MINDY4: variants seen among roughly 807,000 people sequenced by gnomAD.
MINDY4 encodes the protein probable ubiquitin carboxyl-terminal hydrolase MINDY-4.
MINDY4 carries 68 observed loss-of-function variants against 87.0 expected under a neutral mutation model. The ratio of observed to expected loss-of-function variants is 0.78; its 90% CI spans 0.64 to 0.96. The LOEUF is 0.96. Among genes scored for constraint, MINDY4 ranks in the 40% least tolerant of loss-of-function variants. The pLI, the probability that MINDY4 is intolerant of heterozygous loss-of-function variation, is 0.00. For synonymous variants in MINDY4, 379 were observed against 363.2 expected (o/e 1.04, Z -0.50); for missense variants, 919 against 928.2 (o/e 0.99, Z 0.13).
At chr7:30,818,311 AT>A (rs1788226281) in intron 5 of MINDY4, among the ~76,000 whole-genome samples, 1 of 152,018 alleles carries the variant, frequency 6.6e-6, no homozygotes, top group Non-Finnish European at 1.5e-5. Context: ...ACAGTTGTCT[AT>A]TTTATTTTAT....
intron 5 of MINDY4, among the ~76,000 whole-genome samples, chr7:30,805,556 G>A (rs1202047101): frequency 6.6e-6 from 1 of 152,130 alleles, no homozygotes; most frequent in Non-Finnish European, 1.5e-5. Context: ...TCAGAGCAGA[G>A]CCCCACCCAA....
intron 5 of MINDY4, among the ~76,000 whole-genome samples, chr7:30,795,079 A>G (rs1031521225): frequency 6.6e-6 from 1 of 152,004 alleles, no homozygotes; most frequent in African/African-American, 2.4e-5. Context: ...GAGGCACCTC[A>G]CTTGTGTTGC....
chr7:30,836,809 T>A, intron 7 of MINDY4, 45 bp downstream of exon 7: 1 of 1,427,334 alleles, frequency 7.0e-7, no homozygotes, highest in Non-Finnish European at 9.8e-7. Flanking sequence ...TTGATTTGAA[T>A]GGATATAGAT....
intron 13 of MINDY4, among the ~76,000 whole-genome samples, chr7:30,870,686 C>A (rs540038059): frequency 2.0e-5 from 3 of 152,348 alleles, no homozygotes; most frequent in Admixed American, 2.0e-4. Context: ...GAGACTCAGG[C>A]ATGTATTTTA....
chr7:30,810,255 C>T (rs1321708390), intron 5 of MINDY4, among the ~76,000 whole-genome samples: 10 of 139,590 alleles, frequency 7.2e-5, no homozygotes, highest in Non-Finnish European at 1.2e-4. Flanking sequence ...CTGCGAAAGT[C>T]GTGAAAGAGA....
chr7:30,850,806 C>T (rs1173079428), intron 10 of MINDY4, among the ~76,000 whole-genome samples: 1 of 152,182 alleles, frequency 6.6e-6, no homozygotes, highest in African/African-American at 2.4e-5. Context: ...TCTGTCTGCC[C>T]TGCCTTCCTC....
chr7:30,876,200 G>A (rs111286778), intron 15 of MINDY4, among the ~76,000 whole-genome samples: 50 of 152,056 alleles, frequency 3.3e-4, no homozygotes, highest in African/African-American at 1.2e-3. Context: ...GGCATTCCTC[G>A]ACCATATAGT....
chr7:30,794,122 T>C (rs1787408366), intron 5 of MINDY4, among the ~76,000 whole-genome samples: 1 of 152,160 alleles, frequency 6.6e-6, no homozygotes, highest in Admixed American at 6.5e-5. Context: ...ACTACACAAC[T>C]CTACACAGTG....
intron 5 of MINDY4, among the ~76,000 whole-genome samples, chr7:30,819,640 T>C (rs538632189): frequency 1.3e-5 from 2 of 152,254 alleles, no homozygotes; most frequent in South Asian, 2.1e-4. Context: ...AAATTTTTGA[T>C]AATATGTTTT....
intron 9 of MINDY4, among the ~76,000 whole-genome samples, chr7:30,847,466 C>A (rs377300898): frequency 6.6e-6 from 1 of 152,178 alleles, no homozygotes; most frequent in Admixed American, 6.5e-5. Context: ...GTTCCTGAAA[C>A]CAGGTGCCCA....
chr7:30,859,126 AC>A (rs1233112897), intron 12 of MINDY4, 130 bp from the exon 13 acceptor site: 1 of 851,794 alleles, frequency 1.2e-6, no homozygotes, highest in Non-Finnish European at 2.0e-6. Flanking sequence ...CCACCCAGCA[AC>A]CCCAGGGCTG....
At position 30,778,457 on chromosome 7, in the gene MINDY4, T is replaced by G; in HGVS notation, c.89T>G (p.Met30Arg). ...GGCTTAAAGAAGACATGTGTGACCATGGACCAGGAACGCCCACGCTCTGAC... is the reference window on the plus strand; with the variant it reads ...GGCTTAAAGAAGACATGTGTGACCAGGGACCAGGAACGCCCACGCTCTGAC... Reference protein sequence around the residue: ...RKGLKKTCVTMDQERPRSDLS... With the variant: ...RKGLKKTCVTRDQERPRSDLS... The change falls in exon 2 of 18, where the codon ATG becomes AGG. Residue 30 changes from methionine to arginine, a missense_variant. Physicochemically the swap from Met to Arg is moderately conservative, Grantham distance 91. Transcript: ENST00000265299. The G allele has an allele frequency of 1.2e-6, 2 of 1,614,212 alleles. No individual in the cohort carries two copies. Among genetic ancestry groups the G allele is most frequent in the Non-Finnish European group, 1.7e-6 (2 of 1,180,020 alleles).
intron 5 of MINDY4, among the ~76,000 whole-genome samples, chr7:30,817,742 C>T (rs1464121317): frequency 1.3e-5 from 2 of 152,210 alleles, no homozygotes; most frequent in Admixed American, 1.3e-4. Flanking sequence ...GCGTCTGTTG[C>T]CAGGTGATGC....
intron 5 of MINDY4, among the ~76,000 whole-genome samples, chr7:30,799,543 T>C (rs1787588622): frequency 6.6e-6 from 1 of 152,232 alleles, no homozygotes; most frequent in Non-Finnish European, 1.5e-5. Context: ...CCCCTTTGCC[T>C]ATTACTTGTT....
intron 9 of MINDY4, among the ~76,000 whole-genome samples, chr7:30,842,716 G>A (rs1789079383): frequency 6.6e-6 from 1 of 152,190 alleles, no homozygotes; most frequent in African/African-American, 2.4e-5. Context: ...CGGGCAGCCT[G>A]GTGGACTGAC....
chr7:30,834,816 C>T (rs746840192), intron 6 of MINDY4, among the ~76,000 whole-genome samples: 61 of 152,208 alleles, frequency 4.0e-4, no homozygotes, highest in Admixed American at 1.9e-3. Flanking sequence ...TTCTGCAAAT[C>T]TCTAGGGCAG....
intron 1 of MINDY4, among the ~76,000 whole-genome samples, chr7:30,777,229 T>C (rs1786852715): frequency 6.6e-6 from 1 of 151,804 alleles, no homozygotes; most frequent in Admixed American, 6.6e-5. Context: ...AGGGTAGGGG[T>C]GGGGTTTGTT....
chr7:30,864,626 C>G (rs1323058261), intron 13 of MINDY4, among the ~76,000 whole-genome samples: 1 of 152,268 alleles, frequency 6.6e-6, no homozygotes, highest in African/African-American at 2.4e-5. Context: ...TGCTGGGTGC[C>G]ATTCCTGGTG....
rs534429890 is a variant in MINDY4, at chr7:30,782,279, A to T, written c.419+67A>T. On this transcript the variant is annotated intron_variant, in intron 3 of 17. Coordinates refer to ENST00000265299, the MANE Select transcript of MINDY4 (RefSeq NM_032222.3). ...GCCATAACAAATTACTATGTACTTC[A>T]TGGCTGTTTCAGTCAGTATTCTCCA... The T allele has an allele frequency of 2.3e-5, 28 of 1,235,870 alleles. No homozygotes were observed. In the African/African-American group the frequency reaches 3.9e-4, roughly 17 times the overall value. 76.6% of individuals were successfully genotyped at this position (1,235,870 alleles called of 1,614,324 possible).
Sources: allele counts gnomAD v4.1 joint callset (sites outside exome capture counted in the v4.1 genomes callset), GRCh38; gene constraint gnomAD v4.1.1; transcripts MANE v1.5; gene names NCBI Gene and HGNC (gene_info 2026-07-23, HGNC 2026-07-21).